The following ADAMTSL2 variants were observed in gnomAD, a reference collection of about 807,000 sequenced individuals.
ADAMTSL2 encodes ADAMTS like 2.
ADAMTSL2 carries 55 observed loss-of-function variants against 117.0 expected under a neutral mutation model. That is an observed-to-expected ratio of 0.47 (90% CI 0.38 to 0.59). The LOEUF (loss-of-function observed/expected upper bound fraction) is 0.59. Ranked by LOEUF, ADAMTSL2 falls within the 20% of genes least tolerant of loss-of-function variation. The probability of loss-of-function intolerance (pLI) is 0.00; values close to 1 mark genes in which losing one functional copy is unlikely to be tolerated. For missense variants in ADAMTSL2, 1,182 were observed against 1,354.5 expected, an observed-to-expected ratio of 0.87 and a Z score of 2.00; for synonymous variants, 572 against 566.4, an observed-to-expected ratio of 1.01 and a Z score of -0.14.
intron 8 of ADAMTSL2, 90 bp from the exon 9 acceptor site, chr9:133,546,948 G>C: frequency 7.5e-7 from 1 of 1,336,676 alleles, no homozygotes; most frequent in Non-Finnish European, 1.1e-6. Context: ...GTTCTGGAGG[G>C]CAGGGCTGGT....
chr9:133,539,601 C>T lies in ADAMTSL2; in HGVS notation c.310-170C>T, dbSNP rs142720684. Among the ~76,000 whole-genome samples the T allele has an allele frequency of 0.017, 1,886 of 107,896 alleles. 20 individuals carry two copies. Among genetic ancestry groups the T allele is most frequent in the Non-Finnish European group, 0.022 (1,105 of 49,248 alleles). The allele number at this position is 107,896 out of a possible 152,430, so 70.8% of individuals were successfully genotyped here. On this transcript the variant is annotated intron_variant, in intron 4 of 18. Coordinates refer to ENST00000651351, the MANE Select transcript of ADAMTSL2 (RefSeq NM_014694.4). The stretch of plus-strand genomic sequence containing the variant: ...GCGTCCTTGCTCCCTCCTGAGAGCG[C>T]ATGGGAGCGCGCAGGAGCCCTAGAG...
At chr9:133,540,773 C>T (rs200020324) in intron 6 of ADAMTSL2, 30 bp downstream of exon 6, 166 of 1,613,492 alleles carry the variant, frequency 1.0e-4, no homozygotes, top group Middle Eastern at 9.9e-4. Context: ...AAAGTACCGC[C>T]GGTCTCACTG....
intron 9 of ADAMTSL2, among the ~76,000 whole-genome samples, chr9:133,553,482 C>A (rs1019100465): frequency 6.6e-6 from 1 of 152,200 alleles, no homozygotes; most frequent in Admixed American, 6.5e-5. Flanking sequence ...AAGTTTTTAA[C>A]CCCTACCCCT....
At chr9:133,551,297 C>A (rs35356035) in intron 9 of ADAMTSL2, among the ~76,000 whole-genome samples, 16,909 of 105,948 alleles carry the variant, frequency 0.16, 1,200 homozygotes, top group Non-Finnish European at 0.21. Context: ...ATCATAAGGG[C>A]CCCCCCACAC....
At chr9:133,553,896 G>A (rs1321006334) in intron 9 of ADAMTSL2, among the ~76,000 whole-genome samples, 1 of 152,240 alleles carries the variant, frequency 6.6e-6, no homozygotes, top group Non-Finnish European at 1.5e-5. Context: ...GGCAGAGCCT[G>A]GGTCTTTGTA....
chr9:133,556,022 C>G, intron 11 of ADAMTSL2, 92 bp downstream of exon 11: 1 of 1,518,466 alleles, frequency 6.6e-7, no homozygotes, highest in African/African-American at 1.4e-5. Context: ...CTGGGGGGGT[C>G]TGGCCAGAAG....
chr9:133,566,888 T>C, intron 12 of ADAMTSL2, 48 bp from the exon 13 acceptor site: 1 of 1,582,414 alleles, frequency 6.3e-7, no homozygotes, highest in Non-Finnish European at 8.6e-7. Flanking sequence ...TCTGCTGGGC[T>C]CCAAGGTGCC....
At chr9:133,533,561 A>G (rs1351344248), upstream of ADAMTSL2, among the ~76,000 whole-genome samples, 1 of 152,196 alleles carries the variant, frequency 6.6e-6, no homozygotes, top group Non-Finnish European at 1.5e-5. Context: ...CCCGTAGGAC[A>G]AGCTGGACAG....
intron 1 of ADAMTSL2, among the ~76,000 whole-genome samples, chr9:133,535,874 C>CT (rs777683674): frequency 1.9e-4 from 29 of 152,300 alleles, no homozygotes; most frequent in African/African-American, 6.7e-4. Context: ...AGCTGAGGGC[C>CT]TGGAGGCTGG....
intron 12 of ADAMTSL2, 72 bp downstream of exon 12, chr9:133,561,367 G>A: frequency 7.2e-7 from 1 of 1,395,224 alleles, no homozygotes; most frequent in Non-Finnish European, 9.9e-7. Context: ...TGGGGCTGTG[G>A]GGCCCACCCA....
intron 17 of ADAMTSL2, among the ~76,000 whole-genome samples, chr9:133,572,638 C>T (rs747303402): frequency 3.4e-4 from 52 of 152,036 alleles, no homozygotes; most frequent in Non-Finnish European, 6.9e-4. Flanking sequence ...AGCCATGAAG[C>T]GATGAAGCGG....
intron 12 of ADAMTSL2, among the ~76,000 whole-genome samples, chr9:133,564,591 AGAGGGG>A (rs1830903455): frequency 3.5e-5 from 3 of 84,672 alleles, no homozygotes; most frequent in African/African-American, 1.5e-4. Context: ...AAGGAGAGAG[AGAGGGG>A]GAGAGAGAGG....
intron 4 of ADAMTSL2, among the ~76,000 whole-genome samples, chr9:133,538,674 C>T (rs537388946): frequency 6.6e-6 from 1 of 152,270 alleles, no homozygotes; most frequent in Admixed American, 6.5e-5. Context: ...ACTCACTCTG[C>T]TCCTGGAACT....
In ADAMTSL2 at chr9:133,555,852, A is replaced by G. The variant is rs2131142022; in HGVS notation, c.1571A>G (p.Asn524Ser). ...GAGCTGAGCAGCGACAGGGTTGCCA[A>G]CAGCTCCTCCGAGGCCCCATTCCCC... ...YLELSSDRVA[N>S]SSSEAPFPNV... Residue 524 changes from asparagine (N) to serine (S), a missense_variant, in exon 11 of 19, where the codon AAC becomes AGC. Physicochemically the swap from Asn to Ser is conservative, Grantham distance 46 (BLOSUM62 1). Coordinates refer to ENST00000651351, the MANE Select transcript of ADAMTSL2 (RefSeq NM_014694.4). The G allele has an allele frequency of 6.2e-6, 10 of 1,613,354 alleles. No homozygotes were observed. Among genetic ancestry groups the G allele is most frequent in the Non-Finnish European group, 8.5e-6 (10 of 1,179,902 alleles).
chr9:133,559,064 G>T (rs775368110), intron 11 of ADAMTSL2, among the ~76,000 whole-genome samples: 227 of 152,336 alleles, frequency 1.5e-3, no homozygotes, highest in Non-Finnish European at 2.7e-3. Context: ...AGATGGCGGA[G>T]CGTCTCCATG....
At chr9:133,566,125 AAGAC>A (rs1393880572) in intron 12 of ADAMTSL2, among the ~76,000 whole-genome samples, 3 of 152,168 alleles carry the variant, frequency 2.0e-5, no homozygotes, top group Non-Finnish European at 4.4e-5. Context: ...GGCACCAACA[AAGAC>A]AGGCACACAG....
At position 133,557,816 on chromosome 9, in the gene ADAMTSL2, G is replaced by A. The variant is rs111604645; in HGVS notation, c.1649+1886G>A. ...CCTGGGTCAGGGAGGCCAGCTCTCC[G>A]GCAGTCACGGCCCTCCAAATAGAAT... On this transcript the variant is annotated intron_variant, in intron 11 of 18. Coordinates refer to ENST00000651351, the MANE Select transcript of ADAMTSL2 (RefSeq NM_014694.4). This position sits in a 1 kb window ranked among gnomAD's most constrained non-coding sequence, Gnocchi z 5.2. 0.019 allele frequency among the ~76,000 whole-genome samples: 2,905 copies of A among 152,272 alleles called. 88 individuals carry two copies. Among genetic ancestry groups the A allele is most frequent in the African/African-American group, 0.063 (2,600 of 41,522 alleles).
intron 8 of ADAMTSL2, among the ~76,000 whole-genome samples, chr9:133,544,780 G>A (rs1830309889): frequency 6.6e-6 from 1 of 152,180 alleles, no homozygotes; most frequent in Non-Finnish European, 1.5e-5. Flanking sequence ...TGAACTCAGA[G>A]CTGCTGGACA....
At chr9:133,541,133 A>G (rs1000755846) in intron 7 of ADAMTSL2, 132 bp downstream of exon 7, 1 of 1,377,092 alleles carries the variant, frequency 7.3e-7, no homozygotes, top group Non-Finnish European at 1.0e-6. Context: ...CTGATTCAGC[A>G]TCCCAGGCCG....
Sources: allele counts gnomAD v4.1 joint callset (sites outside exome capture counted in the v4.1 genomes callset), GRCh38; gene constraint gnomAD v4.1.1; non-coding constraint Gnocchi (gnomAD v3.1); transcripts MANE v1.5; gene names NCBI Gene and HGNC (gene_info 2026-07-23, HGNC 2026-07-21).